CDK12: variants seen among roughly 807,000 people sequenced by gnomAD.
CDK12 encodes the protein cyclin dependent kinase 12.
A neutral mutation model predicts 133.8 loss-of-function variants in CDK12; 17 were observed. That is an observed-to-expected ratio of 0.13 (90% CI 0.09 to 0.19). The LOEUF is 0.19. Among genes scored for constraint, CDK12 ranks in the 10% least tolerant of loss-of-function variants. CDK12 has a pLI of 1.00. For synonymous variants in CDK12, 694 were observed against 683.6 expected, an observed-to-expected ratio of 1.02 and a Z score of -0.24; for missense variants, 1,508 against 1,818.7, an observed-to-expected ratio of 0.83 and a Z score of 3.11.
At chr17:39,473,167 T>C (rs1280706805) in intron 2 of CDK12, among the ~76,000 whole-genome samples, 1 of 152,116 alleles carries the variant, frequency 6.6e-6, no homozygotes, top group Admixed American at 6.6e-5. Context: ...TTGTTTTCAG[T>C]TGGAATTCAA....
chr17:39,536,767 A>T (rs1359007146), downstream of CDK12, among the ~76,000 whole-genome samples: 1 of 152,068 alleles, frequency 6.6e-6, no homozygotes, highest in East Asian at 1.9e-4. Flanking sequence ...AAAAATTAGT[A>T]CTCCAAGGCT....
chr17:39,530,677 A>T lies in CDK12; in HGVS notation c.3834A>T (p.Pro1278=), dbSNP rs1186542386. ...CCGGACCTCCACCGCCGCCACCTCCACCCCCTCTGGTTGAAGGCGATCTTT... is the reference window on the plus strand; with the variant it reads ...CCGGACCTCCACCGCCGCCACCTCCTCCCCCTCTGGTTGAAGGCGATCTTT... ...EPPGPPPPPP[P]PPLVEGDLSS... The change falls in exon 14 of 14, where the codon CCA becomes CCT. Residue 1278 remains proline, a synonymous_variant. Transcript: ENST00000447079. The T allele has an allele frequency of 7.6e-6, 11 of 1,438,038 alleles. No homozygotes were observed. In the African/African-American group the frequency reaches 7.6e-5, roughly 10 times the overall value. The allele number at this position is 1,438,038 out of a possible 1,614,324, so 89.1% of individuals were successfully genotyped here.
Position 39,471,732 on chromosome 17 carries a change from C to A in CDK12, c.1900C>A (p.Pro634Thr), listed in dbSNP as rs2145212593. 1 of 1,613,468 alleles carries A rather than the reference C, an allele frequency of 6.2e-7. No homozygotes were observed. Among genetic ancestry groups the A allele is most frequent in the African/African-American group, 1.3e-5 (1 of 75,016 alleles). ...AACGTTGCCTCCTTTGCCCCTCCCACCCTTATTACCTGGAGATGATGACAT... is the reference window on the plus strand; with the variant it reads ...AACGTTGCCTCCTTTGCCCCTCCCAACCTTATTACCTGGAGATGATGACAT... ...TSTLPPLPLP[P>T]LLPGDDDMDS... The change falls in exon 2 of 14, where the codon CCC becomes ACC. Residue 634 changes from proline to threonine, a missense_variant. Physicochemically the swap from Pro to Thr is conservative, Grantham distance 38. This residue lies in a region of CDK12 where 347 missense variants were observed against 330.8 expected (regional missense o/e 1.05). Transcript: ENST00000447079.
chr17:39,535,587 CTT>C (rs2055096886), downstream of CDK12, among the ~76,000 whole-genome samples: 1 of 152,084 alleles, frequency 6.6e-6, no homozygotes, highest in Admixed American at 6.5e-5. Flanking sequence ...GAAGCAGTGT[CTT>C]TTCAATTCTG....
At chr17:39,479,342 G>C (rs1439502217) in intron 2 of CDK12, among the ~76,000 whole-genome samples, 2 of 144,360 alleles carry the variant, frequency 1.4e-5, no homozygotes, top group African/African-American at 2.5e-5. Context: ...TAAAAGTTTT[G>C]TAAGGAGCTC....
chr17:39,495,012 C>T (rs2145925197), intron 5 of CDK12, among the ~76,000 whole-genome samples: 1 of 152,190 alleles, frequency 6.6e-6, no homozygotes, highest in Non-Finnish European at 1.5e-5. Flanking sequence ...ACCTCGTGAT[C>T]CGCCCGCCTG....
At chr17:39,508,954 C>T (rs1312368245) in intron 6 of CDK12, among the ~76,000 whole-genome samples, 1 of 146,726 alleles carries the variant, frequency 6.8e-6, no homozygotes, top group African/African-American at 2.6e-5. Context: ...GCCAGGGTTA[C>T]ACCATTGCAC....
intron 2 of CDK12, among the ~76,000 whole-genome samples, chr17:39,554,501 G>A (rs1415582111): frequency 6.6e-6 from 1 of 152,134 alleles, no homozygotes; most frequent in Non-Finnish European, 1.5e-5. Flanking sequence ...GTCACACCAG[G>A]AGAAAGAGGC....
In CDK12 at chr17:39,471,020, A is replaced by T; in HGVS notation, c.1188A>T (p.Gly396=). The change falls in exon 2 of 14, where the codon GGA becomes GGT. Residue 396 remains glycine, a synonymous_variant. Coordinates refer to ENST00000447079, the MANE Select transcript of CDK12 (RefSeq NM_016507.4). ...PVRLPLNSSL[G]AELSRKKKER... is the part of the protein sequence containing the mutation. Reference sequence around the variant, plus strand: ...GGCTTCCACTTAATTCCAGTCTGGGAGCTGAACTCAGTAGGAAAAAGAAGG... The same window carrying T: ...GGCTTCCACTTAATTCCAGTCTGGGTGCTGAACTCAGTAGGAAAAAGAAGG... 2.5e-6 allele frequency: 4 copies of T among 1,614,174 alleles called. No homozygotes were observed. The highest frequency in any genetic ancestry group is 3.4e-6 in the Non-Finnish European group (4 of 1,180,038).
chr17:39,526,362 T>C (rs1324783803), intron 13 of CDK12, 46 bp downstream of exon 13: 2 of 1,406,326 alleles, frequency 1.4e-6, no homozygotes, highest in Admixed American at 2.5e-5. Context: ...GTGCTGTTGA[T>C]ACCCTCTTAA....
rs183870243 is a variant in CDK12, at chr17:39,488,022, C to T, written c.1932-2535C>T. Reference sequence around the variant, plus strand: ...AGGCAAGAGCATCACTTGGGGAGGTCCAGGATTTTGTGACTAGCCTGGGCA... The same window carrying T: ...AGGCAAGAGCATCACTTGGGGAGGTTCAGGATTTTGTGACTAGCCTGGGCA... On this transcript the variant is annotated intron_variant, in intron 2 of 13. Transcript: ENST00000447079. 8.7e-3 allele frequency among the ~76,000 whole-genome samples: 1,320 copies of T among 152,090 alleles called. 8 individuals carry two copies. The highest frequency in any genetic ancestry group is 0.015 in the Non-Finnish European group (1,048 of 67,992).
At chr17:39,488,769 G>A (rs1325285763) in intron 2 of CDK12, among the ~76,000 whole-genome samples, 2 of 151,700 alleles carry the variant, frequency 1.3e-5, no homozygotes, top group Non-Finnish European at 2.9e-5. Context: ...TTTATTTTTC[G>A]AGACAGAGCT....
downstream of CDK12, among the ~76,000 whole-genome samples, chr17:39,538,701 A>G (rs1241853615): frequency 1.3e-5 from 2 of 152,184 alleles, no homozygotes; most frequent in Non-Finnish European, 2.9e-5. Context: ...GATCGAGACC[A>G]TTCTGGCTTA....
rs2053362501 is a variant in CDK12, at chr17:39,509,743, T to A, written c.2648T>A (p.Leu883His). ...IKLADFGLAR[L>H]YNSEESRPYT... ...CTAGCAGATTTTGGACTTGCTCGGC[T>A]CTATAACTCTGAAGAGAGGTAAGGC... The change falls in exon 7 of 14, where the codon CTC becomes CAC. Residue 883 changes from leucine to histidine, a missense_variant. By Grantham distance (99) the Leu-to-His change is moderately conservative. Transcript: ENST00000447079. 1.9e-6 allele frequency: 3 copies of A among 1,611,284 alleles called. No homozygotes were observed. The highest frequency in any genetic ancestry group is 2.5e-6 in the Non-Finnish European group (3 of 1,177,424).
At chr17:39,467,297 A>G (rs1333172947) in intron 1 of CDK12, among the ~76,000 whole-genome samples, 1 of 152,144 alleles carries the variant, frequency 6.6e-6, no homozygotes, top group Non-Finnish European at 1.5e-5. Flanking sequence ...ATTTTAAAAG[A>G]CTGAAAATGC....
chr17:39,530,695 C>A lies in CDK12; in HGVS notation c.3852C>A (p.Gly1284=), dbSNP rs372836497. 3.1e-6 allele frequency: 5 copies of A among 1,612,006 alleles called. No homozygotes were observed. The highest frequency in any genetic ancestry group is 4.2e-6 in the Non-Finnish European group (5 of 1,179,094). ...PPPPPPPLVE[G]DLSSAPQELN... The stretch of plus-strand genomic sequence containing the variant: ...CACCTCCACCCCCTCTGGTTGAAGG[C>A]GATCTTTCCAGCGCCCCCCAGGAGT... The change falls in exon 14 of 14, where the codon GGC becomes GGA. Residue 1284 remains glycine (G), a synonymous_variant. Coordinates refer to ENST00000447079, the MANE Select transcript of CDK12 (RefSeq NM_016507.4).
chr17:39,510,455 T>A (rs919972859), intron 7 of CDK12, among the ~76,000 whole-genome samples: 5 of 152,014 alleles, frequency 3.3e-5, no homozygotes, highest in Admixed American at 6.6e-5. Context: ...GTTCTAGTAT[T>A]CTGCAAGTTG....
intron 6 of CDK12, among the ~76,000 whole-genome samples, chr17:39,507,095 C>G (rs2053181371): frequency 1.3e-5 from 2 of 151,724 alleles, no homozygotes; most frequent in Admixed American, 6.6e-5. Context: ...CAGGGTTTTA[C>G]CATGTTGGCC....
At position 39,462,129 on chromosome 17, in the gene CDK12, A is replaced by G; in HGVS notation, c.58A>G (p.Thr20Ala). The change falls in exon 1 of 14, where the codon ACT (threonine) becomes GCT (alanine). Residue 20 changes from threonine (T) to alanine (A), a missense_variant. Thr to Ala is a moderately conservative substitution (Grantham distance 58). Transcript: ENST00000447079. ...KKDGSGGASG[T>A]LQPSSGGGSS... Reference sequence around the variant, plus strand: ...GGACGGGAGTGGAGGAGCTTCTGGAACTTTGCAGCCGTCATCGGGAGGCGG... The same window carrying G: ...GGACGGGAGTGGAGGAGCTTCTGGAGCTTTGCAGCCGTCATCGGGAGGCGG... 6.2e-7 allele frequency: 1 copy of G among 1,614,166 alleles called. No individual in the cohort carries two copies. Among genetic ancestry groups the G allele is most frequent in the Non-Finnish European group, 8.5e-7 (1 of 1,179,998 alleles).
Sources: gnomAD v4.1 joint callset for allele counts (sites outside exome capture counted in the v4.1 genomes callset) on GRCh38, gnomAD v4.1.1 for gene constraint, gnomAD v4.1.1 regional missense constraint, MANE v1.5 for transcripts, NCBI Gene and HGNC (gene_info 2026-07-23, HGNC 2026-07-21) for gene names.